Variants in CCDC92 observed in about 807,000 individuals in gnomAD.
The protein encoded by CCDC92 is coiled-coil domain-containing protein 92.
A neutral mutation model predicts 24.9 loss-of-function variants in CCDC92; 12 were observed. The observed-to-expected ratio is 0.48, with a 90% CI of 0.31 to 0.78. The LOEUF (loss-of-function observed/expected upper bound fraction) is 0.78. CCDC92 is among the 30% of genes least tolerant of loss of function. The probability of loss-of-function intolerance (pLI) is 0.05; values close to 1 mark genes in which losing one functional copy is unlikely to be tolerated. For synonymous variants in CCDC92, 193 were observed against 196.3 expected, an observed-to-expected ratio of 0.98 and a Z score of 0.14; for missense variants, 399 against 439.4, an observed-to-expected ratio of 0.91 and a Z score of 0.82.
At chr12:123,942,616 C>T in intron 4 of CCDC92, 128 bp downstream of exon 4, 1 of 774,922 alleles carries the variant, frequency 1.3e-6, no homozygotes, top group Non-Finnish European at 2.3e-6. Context: ...TCTTAGAGAG[C>T]TCAGGCCACA....
chr12:123,966,752 G>A (rs1423069048), intron 1 of CCDC92: 3 of 152,182 alleles, frequency 2.0e-5, no homozygotes, highest in Non-Finnish European at 2.9e-5. Context: ...AGGTCCCGCT[G>A]GCATCCTGAG....
rs375769089 is a variant in CCDC92 at position 123,942,693 on chromosome 12, G to A, written c.223+51C>T. 1.4e-4 allele frequency: 207 copies of A among 1,443,858 alleles called. 1 individual carries two copies. Among genetic ancestry groups the A allele is most frequent in the East Asian group, 1.4e-3 (60 of 44,208 alleles). 89.4% of individuals were successfully genotyped at this position (1,443,858 alleles called of 1,614,324 possible). On this transcript the variant is annotated intron_variant, in intron 4 of 4. Coordinates refer to ENST00000238156, the MANE Select transcript of CCDC92 (RefSeq NM_025140.3). ...TGACTAGTGAAAACGGCACCAACACGTACCACAAAGGGAAACCTACTGTCA... is the reference window on the plus strand; with the variant it reads ...TGACTAGTGAAAACGGCACCAACACATACCACAAAGGGAAACCTACTGTCA...
chr12:123,970,033 T>C (rs185061688), intron 1 of CCDC92: 217 of 152,302 alleles, frequency 1.4e-3, no homozygotes, highest in Middle Eastern at 6.8e-3. Context: ...GCCATACAAA[T>C]GCAAAGCACG....
At chr12:123,940,905 T>C (rs963419805) in intron 4 of CCDC92, among the ~76,000 whole-genome samples, 2 of 151,734 alleles carry the variant, frequency 1.3e-5, no homozygotes, top group African/African-American at 2.4e-5. Context: ...TTTTCACCAC[T>C]GGGAGGGGAG....
chr12:123,957,685 CTTTTTTTTTCCTTCTT>C (rs1956179042), intron 1 of CCDC92, among the ~76,000 whole-genome samples: 1 of 135,394 alleles, frequency 7.4e-6, no homozygotes, highest in Non-Finnish European at 1.6e-5. Context: ...TCACTTAATT[CTTTTTTTTTCCTTCTT>C]TTTTTTTTTT....
rs1955530063 is a variant in CCDC92, at chr12:123,937,194, G to A, written c.860C>T (p.Ala287Val). Residue 287 changes from alanine (A) to valine (V), a missense_variant, in exon 5 of 5, where the codon GCC becomes GTC. Ala to Val is a moderately conservative substitution (Grantham distance 64, BLOSUM62 0). Transcript: ENST00000238156. The surrounding 1 kb of genome is among the most constrained non-coding windows in gnomAD (Gnocchi z 8.4). ...HSPAREKPHK[A>V]HVGVAHRIHH... ...GATCCGATGTGCCACCCCGACGTGG[G>A]CCTTGTGCGGCTTTTCGCGGGCCGG... The A allele has an allele frequency of 6.2e-7, 1 of 1,609,784 alleles. No homozygotes were observed. Among genetic ancestry groups the A allele is most frequent in the Non-Finnish European group, 8.5e-7 (1 of 1,179,542 alleles).
chr12:123,963,120 A>G (rs1956312557), intron 1 of CCDC92, among the ~76,000 whole-genome samples: 1 of 152,148 alleles, frequency 6.6e-6, no homozygotes, highest in Admixed American at 6.5e-5. Context: ...GGGTGCTGCT[A>G]AACAGACCAT....
At chr12:123,954,722 C>T (rs974918411) in intron 1 of CCDC92, among the ~76,000 whole-genome samples, 1 of 152,218 alleles carries the variant, frequency 6.6e-6, no homozygotes, top group Non-Finnish European at 1.5e-5. Context: ...TTTAACTGGC[C>T]TGTGCAGGCC....
At chr12:123,943,643 G>A in intron 2 of CCDC92, 150 bp from the exon 3 acceptor site, 1 of 807,730 alleles carries the variant, frequency 1.2e-6, no homozygotes, top group East Asian at 2.6e-5. Flanking sequence ...GGGGGCACCA[G>A]GGCTACATTC....
intron 2 of CCDC92, chr12:123,943,770 A>G (rs1955763768): frequency 1.9e-6 from 1 of 539,240 alleles, no homozygotes; most frequent in South Asian, 2.5e-5. Context: ...GGCCCACTCC[A>G]GAGTACAAAG....
chr12:123,968,240 T>C (rs1306381531), intron 1 of CCDC92: 2 of 152,220 alleles, frequency 1.3e-5, no homozygotes, highest in Non-Finnish European at 2.9e-5. Context: ...TAAAGTTCTT[T>C]CTGATAAAGC....
intron 1 of CCDC92, among the ~76,000 whole-genome samples, chr12:123,965,812 G>C (rs921799933): frequency 1.3e-5 from 2 of 152,102 alleles, no homozygotes; most frequent in Admixed American, 1.3e-4. Flanking sequence ...TCATATGTGG[G>C]TGGCATGCTC....
intron 1 of CCDC92, among the ~76,000 whole-genome samples, chr12:123,949,785 C>T (rs1410297564): frequency 6.6e-6 from 1 of 152,242 alleles, no homozygotes; most frequent in African/African-American, 2.4e-5. Context: ...AAGACAGCTT[C>T]CTGGATGGGG....
intron 1 of CCDC92, 150 bp downstream of exon 1, chr12:123,972,379 C>T (rs1179759219): frequency 6.6e-6 from 1 of 152,130 alleles, no homozygotes; most frequent in Non-Finnish European, 1.5e-5. Context: ...AGGACCCCGT[C>T]CCCCGTCTCC....
chr12:123,956,491 A>T (rs1956153907), intron 1 of CCDC92: 1 of 152,144 alleles, frequency 6.6e-6, no homozygotes, highest in Non-Finnish European at 1.5e-5. Flanking sequence ...TTTATGACTG[A>T]CCCCCATAAA....
intron 1 of CCDC92, among the ~76,000 whole-genome samples, chr12:123,961,822 T>C (rs569979734): frequency 3.9e-5 from 6 of 152,294 alleles, no homozygotes; most frequent in East Asian, 3.9e-4. Context: ...AGTTCACACG[T>C]TGGCAAATAA....
At chr12:123,961,793 A>G (rs1382158490) in intron 1 of CCDC92, among the ~76,000 whole-genome samples, 3 of 152,210 alleles carry the variant, frequency 2.0e-5, no homozygotes, top group Admixed American at 6.5e-5. Context: ...CACTCTAAGG[A>G]GCAGATATTC....
At chr12:123,959,800 A>AATTG (rs1224420514) in intron 1 of CCDC92, among the ~76,000 whole-genome samples, 1 of 152,022 alleles carries the variant, frequency 6.6e-6, no homozygotes, top group African/African-American at 2.4e-5. Flanking sequence ...TGTTGGAATT[A>AATTG]AAATGTACTG....
At chr12:123,947,084 A>G (rs1399129848) in intron 1 of CCDC92, among the ~76,000 whole-genome samples, 3 of 152,166 alleles carry the variant, frequency 2.0e-5, no homozygotes, top group Non-Finnish European at 4.4e-5. Flanking sequence ...GCCCCGGGCA[A>G]TGAGGGGCTT....
Sources: gnomAD v4.1 joint callset for allele counts (sites outside exome capture counted in the v4.1 genomes callset) on GRCh38, gnomAD v4.1.1 for gene constraint, Gnocchi (gnomAD v3.1) non-coding constraint, MANE v1.5 for transcripts, NCBI Gene and HGNC (gene_info 2026-07-23, HGNC 2026-07-21) for gene names.